The following SHTN1 variants were observed in gnomAD, a reference collection of about 807,000 sequenced individuals.
The protein encoded by SHTN1 is shootin-1.
Under a neutral mutation model 83.1 loss-of-function variants are expected in SHTN1, and 42 were observed. The ratio of observed to expected loss-of-function variants is 0.51; its 90% CI spans 0.39 to 0.65. The LOEUF (loss-of-function observed/expected upper bound fraction) is 0.65. SHTN1 is among the 30% of genes least tolerant of loss of function. SHTN1 has a pLI of 0.00. For synonymous variants in SHTN1, 224 were observed against 247.7 expected, an observed-to-expected ratio of 0.90 and a Z score of 0.90; for missense variants, 622 against 737.8, an observed-to-expected ratio of 0.84 and a Z score of 1.82.
chr10:117,064,242 T>C (rs989810133), intron 1 of SHTN1, among the ~76,000 whole-genome samples: 4 of 152,214 alleles, frequency 2.6e-5, no homozygotes, highest in Admixed American at 6.5e-5. Flanking sequence ...TTGGGCACTG[T>C]GATATTGAGA....
intron 1 of SHTN1, among the ~76,000 whole-genome samples, chr10:117,088,711 GT>G (rs1853386213): frequency 6.6e-6 from 1 of 152,204 alleles, no homozygotes; most frequent in Non-Finnish European, 1.5e-5. Flanking sequence ...CGTATAGGCT[GT>G]TTACTTTGTA....
At chr10:116,902,398 GCTT>G (rs1564867134) in intron 15 of SHTN1, among the ~76,000 whole-genome samples, 2 of 152,142 alleles carry the variant, frequency 1.3e-5, no homozygotes, top group African/African-American at 4.8e-5. Context: ...GCTCATGAAG[GCTT>G]CTTGAGCATT....
chr10:117,001,714 T>C (rs1851828157), intron 1 of SHTN1, among the ~76,000 whole-genome samples: 3 of 152,140 alleles, frequency 2.0e-5, no homozygotes, highest in Admixed American at 2.0e-4. Flanking sequence ...TATTATATAT[T>C]TCAAAAGAGA....
intron 2 of SHTN1, among the ~76,000 whole-genome samples, chr10:117,027,632 G>A (rs913909560): frequency 1.3e-5 from 2 of 152,040 alleles, no homozygotes; most frequent in African/African-American, 2.4e-5. Flanking sequence ...CCAAGTAGCT[G>A]GGACTACAGG....
chr10:116,999,700 G>T (rs199768502), intron 1 of SHTN1, among the ~76,000 whole-genome samples: 1 of 152,136 alleles, frequency 6.6e-6, no homozygotes, highest in Non-Finnish European at 1.5e-5. Context: ...GGATCACAAG[G>T]TCAGGAGTTC....
intron 1 of SHTN1, among the ~76,000 whole-genome samples, chr10:117,078,463 T>C (rs1051757419): frequency 1.3e-5 from 2 of 152,038 alleles, no homozygotes; most frequent in Admixed American, 6.6e-5. Context: ...CCTATGAGAG[T>C]AGTAGATTGT....
intron 4 of SHTN1, among the ~76,000 whole-genome samples, chr10:116,957,090 AG>A: frequency 6.6e-6 from 1 of 152,010 alleles, no homozygotes; most frequent in East Asian, 1.9e-4. Flanking sequence ...CACCCGGCCT[AG>A]ACATGAGGTC....
intron 1 of SHTN1, among the ~76,000 whole-genome samples, chr10:117,078,232 G>A (rs1463345500): frequency 1.3e-5 from 2 of 152,150 alleles, no homozygotes. Context: ...GGCTCTACCG[G>A]TATGACTCTG....
intron 2 of SHTN1, among the ~76,000 whole-genome samples, chr10:117,041,410 A>C (rs1474494225): frequency 1.3e-5 from 2 of 152,206 alleles, no homozygotes; most frequent in Non-Finnish European, 2.9e-5. Flanking sequence ...ATGAGTAAAT[A>C]AGTGATACTA....
intron 1 of SHTN1, 71 bp from the exon 2 acceptor site, chr10:116,979,379 A>G (rs1850933983): frequency 8.3e-7 from 1 of 1,204,850 alleles, no homozygotes. Flanking sequence ...GGGGAATCCA[A>G]CTAACCCCCA....
At chr10:116,991,424 T>C (rs1238945852) in intron 1 of SHTN1, among the ~76,000 whole-genome samples, 1 of 152,150 alleles carries the variant, frequency 6.6e-6, no homozygotes, top group Non-Finnish European at 1.5e-5. Context: ...TTTGTGTTGA[T>C]GGCTTCAGGC....
chr10:116,920,028 G>C (rs1371796423), intron 12 of SHTN1, among the ~76,000 whole-genome samples: 1 of 152,222 alleles, frequency 6.6e-6, no homozygotes, highest in East Asian at 1.9e-4. Context: ...CTCAGGGGGA[G>C]AGAGGTGGAA....
chr10:117,006,251 G>GTT (rs770967125), upstream of SHTN1, among the ~76,000 whole-genome samples: 1 of 120,138 alleles, frequency 8.3e-6, no homozygotes, highest in African/African-American at 2.9e-5. Flanking sequence ...TTTTTTTTTT[G>GTT]TTTTTTTGTT....
At chr10:116,974,717 T>G (rs776677731) in intron 2 of SHTN1, among the ~76,000 whole-genome samples, 2 of 152,090 alleles carry the variant, frequency 1.3e-5, no homozygotes, top group Non-Finnish European at 2.9e-5. Context: ...AGGCAGACAT[T>G]CTTCTATTAT....
At chr10:117,119,816 C>T (rs1445746488) in intron 1 of SHTN1, among the ~76,000 whole-genome samples, 1 of 150,394 alleles carries the variant, frequency 6.6e-6, no homozygotes, top group African/African-American at 2.4e-5. Flanking sequence ...AAAATTGTAC[C>T]TATACACAAT....
chr10:117,126,465 C>A (rs71475014), exon 1 of SHTN1: 1 of 226,796 alleles, frequency 4.4e-6, no homozygotes, highest in Admixed American at 5.1e-5. Flanking sequence ...CGCCTCGCCT[C>A]CTAGCACGCA....
At chr10:116,928,037 CT>C in intron 10 of SHTN1, 146 bp from the exon 11 acceptor site, 1 of 811,622 alleles carries the variant, frequency 1.2e-6, no homozygotes, top group Non-Finnish European at 1.9e-6. Flanking sequence ...AATTACAGAC[CT>C]TTTTAAACTT....
intron 1 of SHTN1, among the ~76,000 whole-genome samples, chr10:117,070,855 T>C (rs1468600674): frequency 3.3e-5 from 5 of 151,804 alleles, no homozygotes; most frequent in Non-Finnish European, 7.4e-5. Context: ...GGAGGGAGAA[T>C]GCCACTCAGG....
intron 1 of SHTN1, among the ~76,000 whole-genome samples, chr10:116,986,844 T>C (rs1851237679): frequency 6.7e-6 from 1 of 148,186 alleles, no homozygotes; most frequent in African/African-American, 2.5e-5. Context: ...TTCTCCTGCC[T>C]CAGCCTCCTG....
Sources: allele counts gnomAD v4.1 joint callset (sites outside exome capture counted in the v4.1 genomes callset), GRCh38; gene constraint gnomAD v4.1.1; transcripts MANE v1.5; gene names NCBI Gene and HGNC (gene_info 2026-07-23, HGNC 2026-07-21).